Variants in PPP1R12B observed in about 807,000 individuals in gnomAD.
The protein encoded by PPP1R12B is protein phosphatase 1 regulatory subunit 12B, also known as myosin phosphatase target subunit 2.
In PPP1R12B, 76 loss-of-function variants were observed where a neutral mutation model predicts 126.1. The ratio of observed to expected loss-of-function variants is 0.60; its 90% confidence interval spans 0.50 to 0.73. PPP1R12B has a LOEUF of 0.73. Ranked by LOEUF, PPP1R12B falls within the 30% of genes least tolerant of loss-of-function variation. The pLI, the probability that PPP1R12B is intolerant of heterozygous loss-of-function variation, is 0.00. For missense variants in PPP1R12B, 1,052 were observed against 1,205.1 expected, an observed-to-expected ratio of 0.87 and a Z score of 1.88; for synonymous variants, 356 against 434.7, an observed-to-expected ratio of 0.82 and a Z score of 2.25.
intron 1 of PPP1R12B, among the ~76,000 whole-genome samples, chr1:202,383,334 G>C (rs561547256): frequency 1.3e-5 from 2 of 152,250 alleles, no homozygotes; most frequent in South Asian, 4.1e-4. Context: ...TACTTCATAG[G>C]AATGTATCCC....
At chr1:202,567,656 G>C in intron 21 of PPP1R12B, 122 bp from the exon 22 acceptor site, 1 of 991,786 alleles carries the variant, frequency 1.0e-6, no homozygotes, top group South Asian at 1.6e-5. Context: ...CCCTGCTATA[G>C]GGGAAGTCCA....
intron 1 of PPP1R12B, among the ~76,000 whole-genome samples, chr1:202,360,580 A>T (rs992628162): frequency 1.3e-5 from 2 of 151,910 alleles, no homozygotes; most frequent in African/African-American, 4.8e-5. Flanking sequence ...CTGGTGGTGG[A>T]CACCTGTAAT....
chr1:202,363,677 A>G (rs1380734207), intron 1 of PPP1R12B, among the ~76,000 whole-genome samples: 1 of 152,198 alleles, frequency 6.6e-6, no homozygotes, highest in East Asian at 1.9e-4. Flanking sequence ...CGTTTGTTTT[A>G]TTAGAAGATT....
intron 13 of PPP1R12B, among the ~76,000 whole-genome samples, chr1:202,460,239 G>A (rs1167602299): frequency 6.6e-6 from 1 of 152,070 alleles, no homozygotes; most frequent in East Asian, 1.9e-4. Context: ...AGCTAAAATT[G>A]TCTTTCCCAA....
chr1:202,370,112 CA>C, intron 1 of PPP1R12B: 1 of 245,508 alleles, frequency 4.1e-6, no homozygotes. Context: ...CACTTCTGAA[CA>C]AAACTCTTCT....
At chr1:202,364,733 T>C (rs964899751) in intron 1 of PPP1R12B, among the ~76,000 whole-genome samples, 14 of 152,194 alleles carry the variant, frequency 9.2e-5, no homozygotes, top group Middle Eastern at 3.4e-3. Flanking sequence ...CCCGCCACCA[T>C]GCTCGGCTAA....
intron 11 of PPP1R12B, among the ~76,000 whole-genome samples, chr1:202,441,254 A>G (rs1229968638): frequency 6.6e-6 from 1 of 152,230 alleles, no homozygotes; most frequent in Non-Finnish European, 1.5e-5. Context: ...GTATTGCTGC[A>G]TCTCAGGGCA....
At chr1:202,439,004 C>A (rs540657809) in intron 10 of PPP1R12B, 16 of 1,446,250 alleles carry the variant, frequency 1.1e-5, no homozygotes, top group Non-Finnish European at 1.5e-5. Flanking sequence ...CAACCGGAAG[C>A]AGGAGTGCGG....
rs1690028628 is a variant in PPP1R12B, at chr1:202,589,587, C to CAGAT, written c.*9029_*9032dup. 6.6e-6 allele frequency: 1 copy of CAGAT among 152,256 alleles called. No homozygotes were observed. Among genetic ancestry groups the CAGAT allele is most frequent in the African/African-American group, 2.4e-5 (1 of 41,428 alleles). The allele number at this position is 152,256 out of a possible 1,614,324, so 9.4% of individuals were successfully genotyped here. Reference sequence around the variant, plus strand: ...CCCCCACTGGTTGTAGTAAGGTCTGCAGATACAGTATCACCTAGCCGTCAC... The same window carrying CAGAT: ...CCCCCACTGGTTGTAGTAAGGTCTGCAGATAGATACAGTATCACCTAGCCGTCAC... On this transcript the variant is annotated 3_prime_UTR_variant, in exon 24 of 24. Coordinates refer to ENST00000608999, the MANE Select transcript of PPP1R12B (RefSeq NM_002481.4).
In PPP1R12B at chr1:202,439,528, G is replaced by C. The variant is rs570846349; in HGVS notation, c.1459-1178G>C. On this transcript the variant is annotated intron_variant, in intron 10 of 23. Transcript: ENST00000608999. ...TTTGGGGCGACTGCTGTTGCCTTGGGGGGTGTGGCGCTCTCTGTGGTCACT... is the reference window on the plus strand; with the variant it reads ...TTTGGGGCGACTGCTGTTGCCTTGGCGGGTGTGGCGCTCTCTGTGGTCACT... The C allele has an allele frequency of 1.3e-5, 20 of 1,529,980 alleles. No individual in the cohort carries two copies. In the South Asian group the frequency reaches 2.2e-4, roughly 17 times the overall value. The allele number at this position is 1,529,980 out of a possible 1,614,324, so 94.8% of individuals were successfully genotyped here.
intron 19 of PPP1R12B, among the ~76,000 whole-genome samples, chr1:202,561,064 C>T (rs1687474699): frequency 6.6e-6 from 1 of 151,160 alleles, no homozygotes; most frequent in Non-Finnish European, 1.5e-5. Flanking sequence ...CAGGAGGTTC[C>T]CCTACTACAA....
rs755332790 is a variant in PPP1R12B, at chr1:202,416,793, A to G, written c.298A>G (p.Ile100Val). The change falls in exon 2 of 24, where the codon ATT becomes GTT. Residue 100 changes from isoleucine (I) to valine (V), a missense_variant. Physicochemically the swap from Ile to Val is conservative, Grantham distance 29. Coordinates refer to ENST00000608999, the MANE Select transcript of PPP1R12B (RefSeq NM_002481.4). ...DGLTALHQAC[I>V]DENLDMVKFL... is the part of the protein sequence containing the mutation. ...AATGGACTTTTCTTTTCAGGCATGT[A>G]TTGATGAAAATTTGGACATGGTGAA... is the stretch of plus-strand genomic sequence containing the variant. 2 of 1,613,756 alleles carry G rather than the reference A, an allele frequency of 1.2e-6. No individual in the cohort carries two copies. Among genetic ancestry groups the G allele is most frequent in the Non-Finnish European group, 1.7e-6 (2 of 1,179,808 alleles).
intron 1 of PPP1R12B, among the ~76,000 whole-genome samples, chr1:202,389,864 T>C (rs1261921764): frequency 6.7e-6 from 1 of 149,296 alleles, no homozygotes; most frequent in African/African-American, 2.5e-5. Context: ...GAGGCGGAGG[T>C]TGCAGTGAGC....
chr1:202,456,485 T>A (rs1475747829), intron 13 of PPP1R12B, among the ~76,000 whole-genome samples: 1 of 152,156 alleles, frequency 6.6e-6, no homozygotes, highest in East Asian at 1.9e-4. Flanking sequence ...GACCCAGGGT[T>A]GGTGTCAGAC....
At chr1:202,387,804 T>C (rs544141992) in intron 1 of PPP1R12B, among the ~76,000 whole-genome samples, 3 of 152,226 alleles carry the variant, frequency 2.0e-5, no homozygotes, top group African/African-American at 7.2e-5. Flanking sequence ...TAATCTAGTG[T>C]CGTAGGGTAA....
chr1:202,563,841 G>A (rs550300605), intron 20 of PPP1R12B, among the ~76,000 whole-genome samples: 13 of 152,098 alleles, frequency 8.5e-5, no homozygotes, highest in Non-Finnish European at 8.8e-5. Flanking sequence ...GGTGAGGCAG[G>A]ATGATCACTT....
intron 9 of PPP1R12B, among the ~76,000 whole-genome samples, chr1:202,435,659 A>T: frequency 6.6e-6 from 1 of 152,198 alleles, no homozygotes; most frequent in East Asian, 1.9e-4. Context: ...TATAAAAGTC[A>T]TTTTGAGGTT....
chr1:202,398,509 G>C (rs1451925837), intron 1 of PPP1R12B, among the ~76,000 whole-genome samples: 4 of 152,154 alleles, frequency 2.6e-5, no homozygotes, highest in Non-Finnish European at 5.9e-5. Flanking sequence ...CTATTTAGTT[G>C]TTGGAGTCCC....
At chr1:202,559,722 T>C (rs530611553) in intron 19 of PPP1R12B, among the ~76,000 whole-genome samples, 2 of 152,334 alleles carry the variant, frequency 1.3e-5, no homozygotes, top group South Asian at 2.1e-4. Flanking sequence ...TTCTGTCTTA[T>C]TAATATATTC....
Sources: gnomAD v4.1 joint callset for allele counts (sites outside exome capture counted in the v4.1 genomes callset) on GRCh38, gnomAD v4.1.1 for gene constraint, MANE v1.5 for transcripts, NCBI Gene and HGNC (gene_info 2026-07-23, HGNC 2026-07-21) for gene names.